The following RPS6KC1 variants were observed in gnomAD, a reference collection of about 807,000 sequenced individuals.
RPS6KC1 encodes inactive ribosomal protein S6 kinase delta-1.
A neutral mutation model predicts 103.8 loss-of-function variants in RPS6KC1; 54 were observed. The observed-to-expected ratio is 0.52, with a 90% CI of 0.42 to 0.65. The LOEUF is 0.65. RPS6KC1 is among the 30% of genes least tolerant of loss of function. The probability of loss-of-function intolerance (pLI) is 0.00; values close to 1 mark genes in which losing one functional copy is unlikely to be tolerated. For synonymous variants in RPS6KC1, 439 were observed against 438.7 expected (o/e 1.00, Z -0.01); for missense variants, 1,151 against 1,253.8 (o/e 0.92, Z 1.24).
chr1:213,491,831 G>A, the RPS6KC1 span, among the ~76,000 whole-genome samples: 2 of 152,186 alleles, frequency 1.3e-5, no homozygotes, highest in Non-Finnish European at 2.9e-5. Flanking sequence ...GCATCCAGTG[G>A]AACAGGGGCT....
the RPS6KC1 span, among the ~76,000 whole-genome samples, chr1:213,316,885 C>T: frequency 6.6e-6 from 1 of 152,066 alleles, no homozygotes; most frequent in Admixed American, 6.6e-5. Flanking sequence ...TAGGCATGTG[C>T]TTGGTGTTAT....
chr1:213,468,524 G>C, the RPS6KC1 span, among the ~76,000 whole-genome samples: 1 of 152,156 alleles, frequency 6.6e-6, no homozygotes, highest in African/African-American at 2.4e-5. Context: ...GGGTTAAATA[G>C]ATCAGTTTCT....
chr1:213,391,919 G>A, the RPS6KC1 span, among the ~76,000 whole-genome samples: 1 of 152,160 alleles, frequency 6.6e-6, no homozygotes, highest in Non-Finnish European at 1.5e-5. Flanking sequence ...TGTCTTTTCA[G>A]TAAAAGGGAG....
intron 6 of RPS6KC1, among the ~76,000 whole-genome samples, chr1:213,137,320 T>C (rs985957205): frequency 2.0e-5 from 3 of 151,590 alleles, no homozygotes; most frequent in Non-Finnish European, 2.9e-5. Flanking sequence ...TTTTTTATTT[T>C]TAAATTTTAT....
At chr1:213,673,896 T>C in the RPS6KC1 span, among the ~76,000 whole-genome samples, 1 of 152,212 alleles carries the variant, frequency 6.6e-6, no homozygotes, top group African/African-American at 2.4e-5. Flanking sequence ...ATTGGTATAT[T>C]GCATGATGCT....
At chr1:213,240,662 A>T in intron 10 of RPS6KC1, 40 bp from the exon 11 acceptor site, 3 of 1,502,434 alleles carry the variant, frequency 2.0e-6, no homozygotes, top group Non-Finnish European at 2.7e-6. Flanking sequence ...CAATTTGGAG[A>T]TCTTAATACT....
At chr1:213,690,299 C>T in the RPS6KC1 span, among the ~76,000 whole-genome samples, 2 of 152,220 alleles carry the variant, frequency 1.3e-5, no homozygotes, top group African/African-American at 2.4e-5. Flanking sequence ...GACCAACTGA[C>T]ACTCTACTTC....
At chr1:213,157,570 T>G (rs772346851) in intron 6 of RPS6KC1, among the ~76,000 whole-genome samples, 1 of 152,234 alleles carries the variant, frequency 6.6e-6, no homozygotes, top group Non-Finnish European at 1.5e-5. Context: ...ATTTAAATTA[T>G]TTTACATTTA....
chr1:213,567,522 T>G, the RPS6KC1 span, among the ~76,000 whole-genome samples: 1 of 152,214 alleles, frequency 6.6e-6, no homozygotes, highest in Non-Finnish European at 1.5e-5. Context: ...TTCTGGAAAT[T>G]TCTCTCACTT....
At chr1:213,302,725 C>G in the RPS6KC1 span, among the ~76,000 whole-genome samples, 6 of 152,168 alleles carry the variant, frequency 3.9e-5, no homozygotes, top group Non-Finnish European at 8.8e-5. Context: ...CTAGTGGCTT[C>G]AGTGTCCTTA....
chr1:213,516,835 C>T, the RPS6KC1 span, among the ~76,000 whole-genome samples: 12 of 152,142 alleles, frequency 7.9e-5, no homozygotes, highest in Non-Finnish European at 1.5e-4. Context: ...TGGTAGAATT[C>T]GGCTGTGAAT....
At chr1:213,507,080 T>G in the RPS6KC1 span, among the ~76,000 whole-genome samples, 2 of 152,206 alleles carry the variant, frequency 1.3e-5, no homozygotes, top group Non-Finnish European at 2.9e-5. Flanking sequence ...CCTAGTAAAT[T>G]GATAAATCAA....
chr1:213,571,394 C>G, the RPS6KC1 span, among the ~76,000 whole-genome samples: 2 of 152,098 alleles, frequency 1.3e-5, no homozygotes, highest in Non-Finnish European at 2.9e-5. Context: ...CGGAGAGGGC[C>G]TTGAGTTGTC....
intron 5 of RPS6KC1, among the ~76,000 whole-genome samples, chr1:213,127,785 G>A (rs1445090779): frequency 3.9e-5 from 6 of 152,178 alleles, no homozygotes; most frequent in Non-Finnish European, 8.8e-5. Flanking sequence ...GAGATTGGTA[G>A]ATAATGAAAT....
At chr1:213,420,743 C>T in the RPS6KC1 span, among the ~76,000 whole-genome samples, 22 of 152,076 alleles carry the variant, frequency 1.4e-4, no homozygotes, top group African/African-American at 5.3e-4. Flanking sequence ...TTTGGGATGC[C>T]GAGACAAAGT....
chr1:213,350,585 T>A, the RPS6KC1 span, among the ~76,000 whole-genome samples: 1 of 152,222 alleles, frequency 6.6e-6, no homozygotes, highest in East Asian at 1.9e-4. Flanking sequence ...GATGACATAA[T>A]AGAGCTGGAA....
the RPS6KC1 span, among the ~76,000 whole-genome samples, chr1:213,412,512 C>A: frequency 2.0e-5 from 3 of 152,218 alleles, no homozygotes; most frequent in Admixed American, 6.5e-5. Context: ...TGCTTAGGGG[C>A]AATTCACACA....
intron 1 of RPS6KC1, among the ~76,000 whole-genome samples, chr1:213,065,557 G>A (rs557327568): frequency 8.5e-5 from 13 of 152,138 alleles, no homozygotes; most frequent in Admixed American, 8.5e-4. Context: ...GCCATTTTGT[G>A]GTTTTCGTTT....
chr1:213,161,562 C>A (rs1266357785), intron 6 of RPS6KC1, among the ~76,000 whole-genome samples: 2 of 152,144 alleles, frequency 1.3e-5, no homozygotes, highest in African/African-American at 4.8e-5. Context: ...CTCAAATGAT[C>A]CACCTGCTTT....
Sources: allele counts gnomAD v4.1 joint callset (sites outside exome capture counted in the v4.1 genomes callset), GRCh38; gene constraint gnomAD v4.1.1; transcripts MANE v1.5; gene names NCBI Gene and HGNC (gene_info 2026-07-23, HGNC 2026-07-21).